The following ZNF599 variants were observed in gnomAD, a reference collection of about 807,000 sequenced individuals.
ZNF599 encodes the protein zinc finger protein 599.
ZNF599 carries 10 observed loss-of-function variants against 11.7 expected under a neutral mutation model. The ratio of observed to expected loss-of-function variants is 0.86; its 90% CI spans 0.53 to 1.45. The LOEUF (loss-of-function observed/expected upper bound fraction) is 1.45, where lower values mean the gene tolerates loss of function less well. Among genes scored for constraint, ZNF599 ranks in the 40% most tolerant of loss-of-function variants. The pLI, the probability that ZNF599 is intolerant of heterozygous loss-of-function variation, is 0.00. For missense variants in ZNF599, 688 were observed against 713.6 expected (o/e 0.96, Z 0.41); for synonymous variants, 232 against 253.2 (o/e 0.92, Z 0.79).
At chr19:34,781,293 G>A in the ZNF599 span, among the ~76,000 whole-genome samples, 6 of 152,072 alleles carry the variant, frequency 3.9e-5, no homozygotes, top group South Asian at 1.2e-3. Flanking sequence ...AAAGAAAGAA[G>A]AAAAAGAAAA....
the ZNF599 span, among the ~76,000 whole-genome samples, chr19:34,807,130 T>A: frequency 6.6e-6 from 1 of 152,210 alleles, no homozygotes. Flanking sequence ...TCCCTCAGTC[T>A]GTAACAATCT....
At position 34,759,247 on chromosome 19, in the gene ZNF599, T is replaced by C. The variant is rs2145447094; in HGVS notation, c.1554A>G (p.Gln518=). 2.5e-6 allele frequency: 4 copies of C among 1,614,130 alleles called. No homozygotes were observed. The highest frequency in any genetic ancestry group is 2.5e-6 in the Non-Finnish European group (3 of 1,180,008). Residue 518 remains glutamine (Q), a synonymous_variant, in exon 4 of 4, where the codon CAA becomes CAG. Transcript: ENST00000329285. ...VCRECGKAFT[Q]PANFVRHNRI... is the part of the protein sequence containing the mutation. ...TATTATGCCGAACAAAATTTGCAGG[T>C]TGGGTAAAAGCCTTTCCACATTCTC...
chr19:34,768,314 T>C (rs1237898934), intron 2 of ZNF599, among the ~76,000 whole-genome samples: 2 of 152,238 alleles, frequency 1.3e-5, no homozygotes, highest in Non-Finnish European at 2.9e-5. Context: ...CCTCCTGGAA[T>C]GCTGTTCCCC....
Position 34,758,975 on chromosome 19 carries a change from T to C in ZNF599, c.*59A>G. On this transcript the variant is annotated 3_prime_UTR_variant, in exon 4 of 4. Transcript: ENST00000329285. ...ATAGTTATACTCAAAAGGAAAGGTA[T>C]GTCACCACTATGAGTTCACTAAAGA... 2 of 1,502,172 alleles carry C rather than the reference T, an allele frequency of 1.3e-6. No individual in the cohort carries two copies. Among genetic ancestry groups the C allele is most frequent in the Non-Finnish European group, 1.8e-6 (2 of 1,113,622 alleles). The allele number at this position is 1,502,172 out of a possible 1,614,324, so 93.1% of individuals were successfully genotyped here. A position where few individuals can be genotyped will look rare whatever the true frequency, so the allele number is the denominator to read the frequency against.
the ZNF599 span, among the ~76,000 whole-genome samples, chr19:34,796,206 A>C: frequency 6.6e-6 from 1 of 151,850 alleles, no homozygotes; most frequent in Non-Finnish European, 1.5e-5. Context: ...GCCTGAGGGG[A>C]CTCATAAGAA....
Position 34,758,862 on chromosome 19 carries a change from TAA to T in ZNF599, c.*170_*171del. On this transcript the variant is annotated 3_prime_UTR_variant, in exon 4 of 4. Coordinates refer to ENST00000329285, the MANE Select transcript of ZNF599 (RefSeq NM_001007248.3). ...TTGGATGACAAGTGATTACCTGCCATAAAAAGATTTCACAGGGACAATTCTGT... is the reference window on the plus strand; with the variant it reads ...TTGGATGACAAGTGATTACCTGCCATAAAGATTTCACAGGGACAATTCTGT... 1 of 647,766 alleles carries T rather than the reference TAA, an allele frequency of 1.5e-6. No individual in the cohort carries two copies. Among genetic ancestry groups the T allele is most frequent in the East Asian group, 2.8e-5 (1 of 35,964 alleles). The allele number at this position is 647,766 out of a possible 1,614,324, so 40.1% of individuals were successfully genotyped here.
chr19:34,794,525 G>A, the ZNF599 span, among the ~76,000 whole-genome samples: 2 of 151,748 alleles, frequency 1.3e-5, no homozygotes, highest in East Asian at 1.9e-4. Context: ...ACTGATCTTC[G>A]ACCTCATTCC....
the ZNF599 span, among the ~76,000 whole-genome samples, chr19:34,803,915 T>C: frequency 1.3e-5 from 2 of 152,308 alleles, no homozygotes; most frequent in South Asian, 4.1e-4. Flanking sequence ...TAGATATTGC[T>C]ATCTTCCTAT....
the ZNF599 span, among the ~76,000 whole-genome samples, chr19:34,798,199 A>G: frequency 6.6e-6 from 1 of 152,200 alleles, no homozygotes; most frequent in South Asian, 2.1e-4. Context: ...CTTTTATTCC[A>G]TAGCAATAGT....
At chr19:34,783,265 G>T in the ZNF599 span, among the ~76,000 whole-genome samples, 24 of 152,342 alleles carry the variant, frequency 1.6e-4, no homozygotes, top group Non-Finnish European at 3.1e-4. Flanking sequence ...CACAGGGAAG[G>T]ATCAGGGTCA....
chr19:34,775,060 G>A (rs537501512), upstream of ZNF599, among the ~76,000 whole-genome samples: 5 of 152,222 alleles, frequency 3.3e-5, no homozygotes, highest in Middle Eastern at 3.4e-3. Flanking sequence ...CCTTTGCCTT[G>A]CACCATGATT....
At chr19:34,802,423 T>C in the ZNF599 span, among the ~76,000 whole-genome samples, 1 of 152,140 alleles carries the variant, frequency 6.6e-6, no homozygotes, top group Non-Finnish European at 1.5e-5. Context: ...TGCAGAAAGG[T>C]ATGTCCAGGC....
chr19:34,772,347 G>A, intron 1 of ZNF599: 1 of 993,038 alleles, frequency 1.0e-6, no homozygotes, highest in Non-Finnish European at 1.2e-6. Context: ...TCTTGCCCTC[G>A]AGGCTCTCAT....
chr19:34,767,205 C>T, intron 3 of ZNF599, 111 bp downstream of exon 3: 2 of 758,080 alleles, frequency 2.6e-6, no homozygotes, highest in South Asian at 3.3e-5. Context: ...GTCAAGGGCT[C>T]CATGACTGCT....
the ZNF599 span, among the ~76,000 whole-genome samples, chr19:34,781,952 T>C: frequency 6.6e-6 from 1 of 152,040 alleles, no homozygotes; most frequent in Non-Finnish European, 1.5e-5. Flanking sequence ...AGAATAGAAA[T>C]GACAAGTGGA....
the ZNF599 span, among the ~76,000 whole-genome samples, chr19:34,783,531 C>T: frequency 1.3e-5 from 2 of 152,110 alleles, no homozygotes; most frequent in African/African-American, 4.8e-5. Context: ...AGTAGGAACT[C>T]AGACTGGTTG....
the ZNF599 span, among the ~76,000 whole-genome samples, chr19:34,792,737 C>G: frequency 6.6e-6 from 1 of 151,954 alleles, no homozygotes; most frequent in Non-Finnish European, 1.5e-5. Flanking sequence ...GTGGCGGGTG[C>G]CTGTAGTCCC....
In ZNF599 at chr19:34,759,775, A is replaced by T. The variant is rs1161677680; in HGVS notation, c.1026T>A (p.Gly342=). Residue 342 remains glycine (G), a synonymous_variant, in exon 4 of 4, where the codon GGT becomes GGA. Coordinates refer to ENST00000329285, the MANE Select transcript of ZNF599 (RefSeq NM_001007248.3). ...IHTGKKLYEC[G]ECGKAFTHRS... The stretch of plus-strand genomic sequence containing the variant: ...GGTGCGTGAAGGCCTTTCCACATTC[A>T]CCGCACTCATAGAGTTTCTTTCCAG... 1.2e-6 allele frequency: 2 copies of T among 1,613,976 alleles called. No homozygotes were observed. Among genetic ancestry groups the T allele is most frequent in the African/African-American group, 2.7e-5 (2 of 74,906 alleles).
At chr19:34,778,308 A>G in the ZNF599 span, among the ~76,000 whole-genome samples, 95 of 151,748 alleles carry the variant, frequency 6.3e-4, no homozygotes, top group Non-Finnish European at 8.7e-4. Context: ...TAGAACTTAA[A>G]GTATAATAAA....
Sources: allele counts gnomAD v4.1 joint callset (sites outside exome capture counted in the v4.1 genomes callset), GRCh38; gene constraint gnomAD v4.1.1; transcripts MANE v1.5; gene names NCBI Gene and HGNC (gene_info 2026-07-23, HGNC 2026-07-21).